Variants in HIGD1C observed in about 807,000 individuals in gnomAD.
HIGD1C encodes the protein HIG1 hypoxia inducible domain family member 1C.
A neutral mutation model predicts 13.1 loss-of-function variants in HIGD1C; 11 were observed. The ratio of observed to expected loss-of-function variants is 0.84; its 90% CI spans 0.53 to 1.39. HIGD1C has a LOEUF of 1.39. Among genes scored for constraint, HIGD1C ranks in the 40% most tolerant of loss-of-function variants. The pLI, the probability that HIGD1C is intolerant of heterozygous loss-of-function variation, is 0.00. For synonymous variants in HIGD1C, 36 were observed against 37.7 expected (o/e 0.95, Z 0.17); for missense variants, 110 against 112.0 (o/e 0.98, Z 0.08).
intron 2 of HIGD1C, among the ~76,000 whole-genome samples, chr12:50,963,369 CAA>C (rs35764288): frequency 0.041 from 2,996 of 72,326 alleles, 81 homozygotes; most frequent in African/African-American, 0.11. Context: ...GACTCCATCT[CAA>C]AAAAAAAAAA....
chr12:50,933,882 C>T, the HIGD1C span, among the ~76,000 whole-genome samples: 1 of 152,186 alleles, frequency 6.6e-6, no homozygotes, highest in South Asian at 2.1e-4. Context: ...TGTGGTATCA[C>T]CCCATGGCAG....
rs1284515243 is a variant in HIGD1C at position 50,970,420 on chromosome 12, A to G, written c.230-22A>G. 13 of 1,229,988 alleles carry G rather than the reference A, an allele frequency of 1.1e-5. No individual in the cohort carries two copies. The South Asian group carries it at 1.7e-4, about 16-fold the overall frequency. The allele number at this position is 1,229,988 out of a possible 1,614,324, so 76.2% of individuals were successfully genotyped here. A position where few individuals can be genotyped will look rare whatever the true frequency, so the allele number is the denominator to read the frequency against. Reference sequence around the variant, plus strand: ...TTTGTTTCCCATGGATACTCAATTGATATACATCCTTCTTTTTCTAGGTGT... The same window carrying G: ...TTTGTTTCCCATGGATACTCAATTGGTATACATCCTTCTTTTTCTAGGTGT... On this transcript the variant is annotated intron_variant, in intron 2 of 2. Coordinates refer to ENST00000398455, the Ensembl canonical transcript of HIGD1C.
chr12:50,960,828 G>T, intron 1 of HIGD1C, 140 bp from the exon 4 acceptor site: 2 of 642,574 alleles, frequency 3.1e-6, no homozygotes, highest in Non-Finnish European at 5.1e-6. Context: ...GACTACAGAC[G>T]TGTATCACCA....
chr12:50,965,927 AAGGAGCCCTGGCTCTT>A (rs1939525060), intron 2 of HIGD1C, among the ~76,000 whole-genome samples: 2 of 152,192 alleles, frequency 1.3e-5, no homozygotes, highest in Admixed American at 6.5e-5. Context: ...GGAATTGGTC[AAGGAGCCCTGGCTCTT>A]TATTGTGGTG....
intron 2 of HIGD1C, among the ~76,000 whole-genome samples, chr12:50,963,390 A>G (rs1418643331): frequency 7.3e-6 from 1 of 137,846 alleles, no homozygotes; most frequent in African/African-American, 2.6e-5. Context: ...AAAAAAAAAA[A>G]AAAGAAAAGA....
chr12:50,946,558 G>A, the HIGD1C span, among the ~76,000 whole-genome samples: 5 of 152,230 alleles, frequency 3.3e-5, no homozygotes, highest in South Asian at 1.0e-3. Context: ...TTAGAATGGT[G>A]ATCATTAAAA....
the HIGD1C span, among the ~76,000 whole-genome samples, chr12:50,943,088 T>A: frequency 0.23 from 35,002 of 151,004 alleles, 4,811 homozygotes; most frequent in East Asian, 0.5. Context: ...CTGGTCTCGA[T>A]CTCCTGACCT....
the HIGD1C span, among the ~76,000 whole-genome samples, chr12:50,939,292 C>A: frequency 1.2e-4 from 18 of 152,280 alleles, no homozygotes; most frequent in Admixed American, 5.9e-4. Flanking sequence ...GAATTACAGG[C>A]ATCTGCCACC....
At chr12:50,947,758 GGACCTTCAGT>G in the HIGD1C span, among the ~76,000 whole-genome samples, 1 of 152,134 alleles carries the variant, frequency 6.6e-6, no homozygotes, top group African/African-American at 2.4e-5. Context: ...AAAGATAATG[GGACCTTCAGT>G]GAGGCATCAA....
chr12:50,934,222 G>T, the HIGD1C span, among the ~76,000 whole-genome samples: 1 of 152,210 alleles, frequency 6.6e-6, no homozygotes, highest in African/African-American at 2.4e-5. Context: ...ACAATGCTTA[G>T]AACACTGGAT....
At chr12:50,936,155 G>C in the HIGD1C span, among the ~76,000 whole-genome samples, 1 of 133,828 alleles carries the variant, frequency 7.5e-6, no homozygotes, top group East Asian at 2.1e-4. Flanking sequence ...GCAAAACACC[G>C]TCTCAAAAAA....
chr12:50,962,065 T>C (rs1309049352), intron 2 of HIGD1C, among the ~76,000 whole-genome samples: 3 of 152,058 alleles, frequency 2.0e-5, no homozygotes, highest in African/African-American at 7.2e-5. Flanking sequence ...AAGAAGACAA[T>C]ATAAAGTTAT....
intron 2 of HIGD1C, among the ~76,000 whole-genome samples, chr12:50,962,359 C>T (rs1024919667): frequency 4.0e-5 from 6 of 151,686 alleles, no homozygotes; most frequent in Admixed American, 1.3e-4. Flanking sequence ...TGCAGTGAGC[C>T]GAGATCATGC....
chr12:50,957,446 G>A (rs1051955546), intron 1 of HIGD1C, among the ~76,000 whole-genome samples: 1 of 151,572 alleles, frequency 6.6e-6, no homozygotes, highest in Non-Finnish European at 1.5e-5. Context: ...TGATCCATCA[G>A]TCTCAGCCTC....
At chr12:50,962,232 T>C (rs1214078388) in intron 2 of HIGD1C, among the ~76,000 whole-genome samples, 1 of 146,198 alleles carries the variant, frequency 6.8e-6, no homozygotes, top group Non-Finnish European at 1.5e-5. Context: ...CTAAAAAAAT[T>C]ACACACACAC....
intron 1 of HIGD1C, among the ~76,000 whole-genome samples, chr12:50,955,672 C>T (rs1051489875): frequency 1.3e-5 from 2 of 152,150 alleles, no homozygotes; most frequent in African/African-American, 2.4e-5. Flanking sequence ...TTTTACTTTA[C>T]AGTAATATTC....
the HIGD1C span, among the ~76,000 whole-genome samples, chr12:50,945,247 G>A: frequency 3.3e-5 from 5 of 152,148 alleles, no homozygotes; most frequent in African/African-American, 1.2e-4. Context: ...AATCAGGCAG[G>A]AGAAAGAAAT....
At chr12:50,966,436 T>C (rs1939543605) in intron 2 of HIGD1C, among the ~76,000 whole-genome samples, 1 of 152,202 alleles carries the variant, frequency 6.6e-6, no homozygotes, top group African/African-American at 2.4e-5. Context: ...TTGTGGAGGA[T>C]TGTCCCATGC....
upstream of HIGD1C, among the ~76,000 whole-genome samples, chr12:50,948,933 GA>G (rs1938844176): frequency 2.8e-5 from 1 of 35,194 alleles, no homozygotes; most frequent in Non-Finnish European, 4.7e-5. Context: ...AGGGGGAGGG[GA>G]GGAGGAGGAG....
Sources: allele counts gnomAD v4.1 joint callset (sites outside exome capture counted in the v4.1 genomes callset), GRCh38; gene constraint gnomAD v4.1.1; transcripts MANE v1.5; gene names NCBI Gene and HGNC (gene_info 2026-07-23, HGNC 2026-07-21).